Variants in POLK observed in about 807,000 individuals in gnomAD.
POLK encodes the protein DNA polymerase kappa, also known as polymerase (DNA directed) kappa.
Under a neutral mutation model 94.0 loss-of-function variants are expected in POLK, and 76 were observed. That is an observed-to-expected ratio of 0.81 (90% CI 0.67 to 0.98). The LOEUF (loss-of-function observed/expected upper bound fraction) is 0.98. Ranked by LOEUF, POLK falls within the 50% of genes least tolerant of loss-of-function variation. The pLI is 0.00. For synonymous variants in POLK, 349 were observed against 325.4 expected (o/e 1.07, Z -0.78); for missense variants, 954 against 1,010.1 (o/e 0.94, Z 0.75).
At chr5:75,584,620 A>G (rs2112835711) in intron 8 of POLK, 140 bp from the exon 9 acceptor site, 1 of 546,750 alleles carries the variant, frequency 1.8e-6, no homozygotes, top group East Asian at 3.3e-5. Flanking sequence ...GTGGGGAGCC[A>G]ACTTGGCACC....
chr5:75,603,452 A>G (rs1376470836), downstream of POLK, among the ~76,000 whole-genome samples: 1 of 152,094 alleles, frequency 6.6e-6, no homozygotes, highest in African/African-American at 2.4e-5. Flanking sequence ...AGCAGTTTTC[A>G]AAAGCTCTCA....
chr5:75,541,804 G>A (rs950329686), intron 1 of POLK, among the ~76,000 whole-genome samples: 3 of 152,052 alleles, frequency 2.0e-5, no homozygotes, highest in Non-Finnish European at 4.4e-5. Context: ...TTTCATTTTT[G>A]TCATACAAAA....
chr5:75,573,952 G>T (rs551566612), intron 5 of POLK, 83 bp downstream of exon 5: 12 of 1,388,180 alleles, frequency 8.6e-6, no homozygotes, highest in Non-Finnish European at 1.2e-5. Flanking sequence ...GCCTTAGCAC[G>T]TAGGATTTGG....
At chr5:75,550,434 C>T (rs1421162698) in intron 2 of POLK, among the ~76,000 whole-genome samples, 2 of 151,940 alleles carry the variant, frequency 1.3e-5, no homozygotes, top group Non-Finnish European at 2.9e-5. Context: ...CAAAAATAAG[C>T]CAGGCGTGGT....
chr5:75,514,134 T>G (rs1768212505), intron 1 of POLK, among the ~76,000 whole-genome samples: 1 of 152,210 alleles, frequency 6.6e-6, no homozygotes, highest in Non-Finnish European at 1.5e-5. Flanking sequence ...TTTAAGATCT[T>G]TATTAAGATC....
intron 1 of POLK, among the ~76,000 whole-genome samples, 199 bp from the exon 2 acceptor site, chr5:75,546,811 G>A (rs1234621979): frequency 2.0e-5 from 3 of 151,962 alleles, no homozygotes; most frequent in East Asian, 3.9e-4. Context: ...GACTACAGGC[G>A]CATGCCGTCA....
chr5:75,516,348 C>A (rs1324038095), intron 1 of POLK, among the ~76,000 whole-genome samples: 1 of 152,112 alleles, frequency 6.6e-6, no homozygotes, highest in African/African-American at 2.4e-5. Flanking sequence ...CTTTGGGAGG[C>A]TGAGGCAGAG....
chr5:75,581,081 C>T (rs1772169498), intron 6 of POLK, 128 bp from the exon 7 acceptor site: 1 of 620,564 alleles, frequency 1.6e-6, no homozygotes, highest in South Asian at 2.1e-5. Flanking sequence ...CATTTCTGAT[C>T]TTGGATCCTA....
At chr5:75,596,564 G>A (rs61749607) in exon 13 of POLK, 2 of 1,613,762 alleles carry the variant, frequency 1.2e-6, no homozygotes, top group Non-Finnish European at 1.7e-6. Flanking sequence ...ATACTTACCT[G>A]TCCTGTTTGC....
At chr5:75,526,974 G>T (rs1008215395) in intron 1 of POLK, among the ~76,000 whole-genome samples, 3 of 152,172 alleles carry the variant, frequency 2.0e-5, no homozygotes. Flanking sequence ...AGCTAGGTAT[G>T]TGGAGTTTAT....
chr5:75,561,028 T>G (rs1025065917), intron 3 of POLK, among the ~76,000 whole-genome samples: 1 of 152,110 alleles, frequency 6.6e-6, no homozygotes, highest in Non-Finnish European at 1.5e-5. Flanking sequence ...GGTATATAAC[T>G]GGTAATGGGA....
downstream of POLK, among the ~76,000 whole-genome samples, chr5:75,601,433 T>C (rs1773293859): frequency 6.6e-6 from 1 of 152,142 alleles, no homozygotes; most frequent in Admixed American, 6.5e-5. Context: ...TGATGCAAAA[T>C]ATTGTTCCTG....
At position 75,573,956 on chromosome 5, in the gene POLK, G is replaced by T. The variant is rs1771737118; in HGVS notation, c.540+87G>T. ...CAAGTCCAAGTGCCTTAGCACGTAGGATTTGGTCTTAGCTTATCCTTTCAG... is the reference window on the plus strand; with the variant it reads ...CAAGTCCAAGTGCCTTAGCACGTAGTATTTGGTCTTAGCTTATCCTTTCAG... On this transcript the variant is annotated intron_variant, in intron 5 of 14. Transcript: ENST00000241436. 16 of 1,382,958 alleles carry T rather than the reference G, an allele frequency of 1.2e-5. 1 individual carries two copies. Among genetic ancestry groups the T allele is most frequent in the Admixed American group, 3.5e-5 (2 of 57,072 alleles). 85.7% of individuals were successfully genotyped at this position (1,382,958 alleles called of 1,614,324 possible).
At chr5:75,541,937 A>G (rs1278897291) in intron 1 of POLK, among the ~76,000 whole-genome samples, 2 of 152,214 alleles carry the variant, frequency 1.3e-5, no homozygotes, top group Non-Finnish European at 2.9e-5. Flanking sequence ...AAATTTCAAA[A>G]AGTATTTTTG....
chr5:75,554,981 A>C (rs11953173), intron 3 of POLK, among the ~76,000 whole-genome samples: 8,464 of 152,198 alleles, frequency 0.056, 486 homozygotes, highest in African/African-American at 0.14. Flanking sequence ...AGCCTGTATA[A>C]AAAGACCTTA....
chr5:75,563,608 T>C (rs1771108294), intron 3 of POLK, among the ~76,000 whole-genome samples: 1 of 152,162 alleles, frequency 6.6e-6, no homozygotes, highest in Non-Finnish European at 1.5e-5. Flanking sequence ...CTTTGTTCTC[T>C]TATTGATTTC....
At chr5:75,604,098 A>G (rs527481737), downstream of POLK, among the ~76,000 whole-genome samples, 68 of 152,304 alleles carry the variant, frequency 4.5e-4, 1 homozygote, top group African/African-American at 1.5e-3. Context: ...AGTGTTTACT[A>G]CTATCTTATT....
At chr5:75,582,158 G>A in intron 7 of POLK, 5 of 986,140 alleles carry the variant, frequency 5.1e-6, no homozygotes, top group Non-Finnish European at 6.0e-6. Flanking sequence ...TAGCAACATA[G>A]CAATCCAGAA....
At chr5:75,584,348 C>T (rs1772349886) in intron 8 of POLK, among the ~76,000 whole-genome samples, 1 of 152,036 alleles carries the variant, frequency 6.6e-6, no homozygotes, top group African/African-American at 2.4e-5. Context: ...GTAATTAAAG[C>T]AGTTTTCTTG....
Sources: allele counts gnomAD v4.1 joint callset (sites outside exome capture counted in the v4.1 genomes callset), GRCh38; gene constraint gnomAD v4.1.1; transcripts MANE v1.5; gene names NCBI Gene and HGNC (gene_info 2026-07-23, HGNC 2026-07-21).